TAFA2: variants seen among roughly 807,000 people sequenced by gnomAD.
The protein encoded by TAFA2 is chemokine-like protein TAFA-2.
TAFA2 carries 7 observed loss-of-function variants against 18.8 expected under a neutral mutation model. The ratio of observed to expected loss-of-function variants is 0.37; its 90% CI spans 0.21 to 0.70. The LOEUF (loss-of-function observed/expected upper bound fraction) is 0.70. TAFA2 is among the 30% of genes least tolerant of loss of function. The pLI, the probability that TAFA2 is intolerant of heterozygous loss-of-function variation, is 0.53. For synonymous variants in TAFA2, 60 were observed against 54.2 expected (o/e 1.11, Z -0.47); for missense variants, 122 against 158.1 (o/e 0.77, Z 1.23).
chr12:62,044,801 C>T (rs541467056), intron 1 of TAFA2, among the ~76,000 whole-genome samples: 1 of 152,268 alleles, frequency 6.6e-6, no homozygotes, highest in Non-Finnish European at 1.5e-5. Flanking sequence ...AGCTTAAAAT[C>T]TCTCCCAGAT....
At chr12:61,794,363 ATATC>A (rs1259242091) in intron 2 of TAFA2, among the ~76,000 whole-genome samples, 4 of 152,212 alleles carry the variant, frequency 2.6e-5, no homozygotes, top group South Asian at 4.1e-4. Context: ...AATCATTTGT[ATATC>A]TATATATAAG....
intron 1 of TAFA2, among the ~76,000 whole-genome samples, chr12:62,128,076 T>C (rs1870536313): frequency 1.3e-5 from 2 of 152,020 alleles, no homozygotes; most frequent in Middle Eastern, 6.8e-3. Context: ...AAATAATGTG[T>C]TTTATTTTGG....
chr12:61,989,888 T>G (rs1269898278), intron 1 of TAFA2, among the ~76,000 whole-genome samples: 1 of 152,228 alleles, frequency 6.6e-6, no homozygotes, highest in Middle Eastern at 3.2e-3. Context: ...CTCAGTATTT[T>G]AATGAGTTCA....
At chr12:62,221,233 G>GGAAGGAAA (rs2062760887) in intron 1 of TAFA2, among the ~76,000 whole-genome samples, 1 of 145,424 alleles carries the variant, frequency 6.9e-6, no homozygotes, top group African/African-American at 2.6e-5. Flanking sequence ...AAGGAAGGAA[G>GGAAGGAAA]GAAGGAAGGA....
At chr12:62,257,166 G>GTGTGTATGTGTATATATACACAA in intron 1 of TAFA2, among the ~76,000 whole-genome samples, 1 of 118,624 alleles carries the variant, frequency 8.4e-6, no homozygotes, top group East Asian at 2.2e-4. Flanking sequence ...ATATATATGT[G>GTGTGTATGTGTATATATACACAA]TGTGTGTGTG....
At chr12:62,142,996 T>C (rs2062250603) in intron 1 of TAFA2, among the ~76,000 whole-genome samples, 2 of 152,188 alleles carry the variant, frequency 1.3e-5, no homozygotes, top group Non-Finnish European at 2.9e-5. Context: ...AAAGCTATAC[T>C]GTGAATAAGG....
chr12:61,877,834 T>C (rs1874922753), intron 1 of TAFA2, among the ~76,000 whole-genome samples: 1 of 151,976 alleles, frequency 6.6e-6, no homozygotes, highest in Non-Finnish European at 1.5e-5. Context: ...TAGTAGTGTA[T>C]AAATTAGACT....
At chr12:61,948,259 G>A (rs1878349244) in intron 1 of TAFA2, among the ~76,000 whole-genome samples, 1 of 152,124 alleles carries the variant, frequency 6.6e-6, no homozygotes, top group South Asian at 2.1e-4. Flanking sequence ...GAGCAAAGAG[G>A]TTAAGTAACT....
intron 1 of TAFA2, among the ~76,000 whole-genome samples, chr12:62,033,216 C>T (rs1243892199): frequency 1.3e-5 from 2 of 152,118 alleles, no homozygotes; most frequent in Admixed American, 6.6e-5. Flanking sequence ...CCTGTGTCAC[C>T]TTATGAAACA....
At chr12:61,911,520 TA>T in intron 1 of TAFA2, among the ~76,000 whole-genome samples, 1 of 152,340 alleles carries the variant, frequency 6.6e-6, no homozygotes, top group East Asian at 1.9e-4. Flanking sequence ...GCTACAAAGC[TA>T]AATTCCACAA....
chr12:62,235,520 A>G, intron 1 of TAFA2: 1 of 513,188 alleles, frequency 1.9e-6, no homozygotes, highest in Admixed American at 3.3e-5. Flanking sequence ...GTACATGAAG[A>G]CTAGGTGGTG....
In TAFA2 at chr12:61,806,981, G is replaced by A. The variant is rs903479816; in HGVS notation, c.107-51957C>T. 3.9e-5 allele frequency among the ~76,000 whole-genome samples: 6 copies of A among 152,138 alleles called. No individual in the cohort carries two copies. In the South Asian group the frequency reaches 1.0e-3, roughly 26 times the overall value. On this transcript the variant is annotated intron_variant, in intron 2 of 4. Coordinates refer to ENST00000416284, the MANE Select transcript of TAFA2 (RefSeq NM_178539.5). ...TGCAAAATTTGTAGCCTGATAATGC[G>A]ATAGAAAAGAAAATCCCATTCTCTG...
intron 2 of TAFA2, among the ~76,000 whole-genome samples, chr12:61,852,271 T>A (rs1422467690): frequency 1.3e-5 from 2 of 150,778 alleles, no homozygotes; most frequent in Non-Finnish European, 3.0e-5. Context: ...TGGAGGATGA[T>A]GGTCAAATGT....
intron 1 of TAFA2, among the ~76,000 whole-genome samples, chr12:62,157,792 T>C (rs996338950): frequency 6.6e-6 from 1 of 152,188 alleles, no homozygotes; most frequent in Non-Finnish European, 1.5e-5. Context: ...TATCTCTTCA[T>C]ACAATTTACC....
rs1869319607 is a variant in TAFA2 at position 61,710,028 on chromosome 12, T to A, written c.*378A>T. The A allele has an allele frequency of 4.6e-6, 1 of 219,226 alleles. No individual in the cohort carries two copies. The highest frequency in any genetic ancestry group is 9.7e-5 in the South Asian group (1 of 10,360). The allele number at this position is 219,226 out of a possible 1,614,324, so 13.6% of individuals were successfully genotyped here. A position where few individuals can be genotyped will look rare whatever the true frequency, so the allele number is the denominator to read the frequency against. On this transcript the variant is annotated 3_prime_UTR_variant, in exon 5 of 5. Transcript: ENST00000416284. ...GAACACATCCAGGACAGAAGGACAGTGCACTTGGGATACAGCTTGCAGAAA... is the reference window on the plus strand; with the variant it reads ...GAACACATCCAGGACAGAAGGACAGAGCACTTGGGATACAGCTTGCAGAAA...
chr12:62,231,024 G>A (rs988509325), intron 1 of TAFA2, among the ~76,000 whole-genome samples: 28 of 152,212 alleles, frequency 1.8e-4, no homozygotes, highest in African/African-American at 5.8e-4. Context: ...TGCAACAGTT[G>A]GATAAAATTA....
At chr12:62,059,380 T>C (rs1882285052) in intron 1 of TAFA2, among the ~76,000 whole-genome samples, 1 of 152,024 alleles carries the variant, frequency 6.6e-6, no homozygotes, top group Admixed American at 6.6e-5. Flanking sequence ...CGAGCATTAT[T>C]TTAGGCCCTG....
At chr12:61,797,566 T>A (rs781604587) in intron 2 of TAFA2, among the ~76,000 whole-genome samples, 45 of 151,510 alleles carry the variant, frequency 3.0e-4, no homozygotes, top group Admixed American at 1.6e-3. Context: ...AAAAAAAAAA[T>A]ATAAAACCAC....
chr12:61,861,922 G>T (rs941040963), intron 2 of TAFA2, among the ~76,000 whole-genome samples: 2 of 152,164 alleles, frequency 1.3e-5, no homozygotes, highest in Non-Finnish European at 2.9e-5. Flanking sequence ...GTATTACAAT[G>T]AAGATAACAT....
Sources: allele counts gnomAD v4.1 joint callset (sites outside exome capture counted in the v4.1 genomes callset), GRCh38; gene constraint gnomAD v4.1.1; transcripts MANE v1.5; gene names NCBI Gene and HGNC (gene_info 2026-07-23, HGNC 2026-07-21).